The following DKK2 variants were observed in gnomAD, a reference collection of about 807,000 sequenced individuals.
DKK2 encodes dickkopf Wnt signaling pathway inhibitor 2.
DKK2 carries 11 observed loss-of-function variants against 28.1 expected under a neutral mutation model. The observed-to-expected ratio is 0.39, with a 90% confidence interval of 0.25 to 0.65. DKK2 has a LOEUF of 0.65. Ranked by LOEUF, DKK2 falls within the 30% of genes least tolerant of loss-of-function variation. DKK2 has a pLI of 0.47. For missense variants in DKK2, 326 were observed against 335.5 expected (o/e 0.97, Z 0.22); for synonymous variants, 135 against 126.5 (o/e 1.07, Z -0.45).
chr4:106,947,532 C>G lies in DKK2; in HGVS notation c.223-21583G>C, dbSNP rs1724795869. ...ATGAAAAGAGGTAAGAATAGTTACT[C>G]TTGGAGCAGCCTTCCCATAAACTCA... On this transcript the variant is annotated intron_variant, in intron 1 of 3. Transcript: ENST00000285311. 2.0e-5 allele frequency among the ~76,000 whole-genome samples: 3 copies of G among 152,066 alleles called. No homozygotes were observed. In the South Asian group the frequency reaches 6.2e-4, roughly 32 times the overall value.
At chr4:107,026,461 G>A (rs2212966) in intron 1 of DKK2, among the ~76,000 whole-genome samples, 14,964 of 152,182 alleles carry the variant, frequency 0.098, 937 homozygotes, top group East Asian at 0.23. Context: ...TTAAGTCATA[G>A]TTACTTGCAC....
At chr4:107,026,739 C>G (rs1046919883) in intron 1 of DKK2, among the ~76,000 whole-genome samples, 1 of 151,854 alleles carries the variant, frequency 6.6e-6, no homozygotes. Context: ...ATTTTGTTGC[C>G]CGACTCCAGA....
chr4:106,944,637 A>G lies in DKK2; in HGVS notation c.223-18688T>C, dbSNP rs193031006. Among the ~76,000 whole-genome samples, 203 of 152,218 alleles carry G rather than the reference A, an allele frequency of 1.3e-3. 1 individual carries two copies. The highest frequency in any genetic ancestry group is 4.6e-3 in the African/African-American group (193 of 41,558). On this transcript the variant is annotated intron_variant, in intron 1 of 3. Transcript: ENST00000285311. ...CCTGGACAAAGAGGCAAGAAATAAGAACTCTACTTTCTAGGTTAAATTTCC... is the reference window on the plus strand; with the variant it reads ...CCTGGACAAAGAGGCAAGAAATAAGGACTCTACTTTCTAGGTTAAATTTCC...
rs542670198 is a variant in DKK2, at chr4:106,986,184, G to A, written c.222+49186C>T. On this transcript the variant is annotated intron_variant, in intron 1 of 3. Transcript: ENST00000285311. ...ATTCCCTGAAGTTTTGACAGCCACTGTATTTTGACGCTAAATGGCCACTGT... is the reference window on the plus strand; with the variant it reads ...ATTCCCTGAAGTTTTGACAGCCACTATATTTTGACGCTAAATGGCCACTGT... 2.0e-3 allele frequency among the ~76,000 whole-genome samples: 300 copies of A among 152,300 alleles called. 1 individual carries two copies. The highest frequency in any genetic ancestry group is 6.5e-3 in the African/African-American group (269 of 41,566).
intron 1 of DKK2, among the ~76,000 whole-genome samples, chr4:106,956,511 G>A (rs999639388): frequency 6.6e-6 from 1 of 152,134 alleles, no homozygotes; most frequent in Non-Finnish European, 1.5e-5. Context: ...ATACTACAAG[G>A]CTACAGTAAC....
At chr4:106,974,462 T>G (rs1448986291) in intron 1 of DKK2, among the ~76,000 whole-genome samples, 1 of 152,210 alleles carries the variant, frequency 6.6e-6, no homozygotes, top group Non-Finnish European at 1.5e-5. Flanking sequence ...TTCACATCCC[T>G]TGTAAGTTGT....
chr4:107,034,718 G>C (rs1048764352), intron 1 of DKK2, among the ~76,000 whole-genome samples: 1 of 152,146 alleles, frequency 6.6e-6, no homozygotes, highest in Non-Finnish European at 1.5e-5. Context: ...TGTTTTGTCT[G>C]TGACCTTACT....
At chr4:107,021,651 C>T (rs1444665276) in intron 1 of DKK2, among the ~76,000 whole-genome samples, 1 of 152,062 alleles carries the variant, frequency 6.6e-6, no homozygotes, top group Non-Finnish European at 1.5e-5. Flanking sequence ...CATACTTCTA[C>T]TTCCCTGTGA....
At position 107,035,720 on chromosome 4, in the gene DKK2, T is replaced by G; in HGVS notation, c.-129A>C. On this transcript the variant is annotated 5_prime_UTR_variant, in exon 1 of 4. Transcript: ENST00000285311. The stretch of plus-strand genomic sequence containing the variant: ...TTGCAGATTGTGTTCCCTCAACCCT[T>G]CCTGGTTCGGGGACCCAGGACCCTA... 4 of 923,624 alleles carry G rather than the reference T, an allele frequency of 4.3e-6. No homozygotes were observed. Among genetic ancestry groups the G allele is most frequent in the Non-Finnish European group, 4.9e-6 (3 of 611,442 alleles). 57.2% of individuals were successfully genotyped at this position (923,624 alleles called of 1,614,324 possible).
At position 106,978,783 on chromosome 4, in the gene DKK2, G is replaced by A. The variant is rs1722982225; in HGVS notation, c.223-52834C>T. ...TTGCTGGCGTTCCGGGTGCCACTGG[G>A]GTATGATAAAAAAGAAAAAGAAAAC... On this transcript the variant is annotated intron_variant, in intron 1 of 3. Coordinates refer to ENST00000285311, the MANE Select transcript of DKK2 (RefSeq NM_014421.3). 2.0e-5 allele frequency among the ~76,000 whole-genome samples: 3 copies of A among 149,972 alleles called. No homozygotes were observed. The Admixed American group carries it at 2.0e-4, about 10-fold the overall frequency.
intron 1 of DKK2, among the ~76,000 whole-genome samples, chr4:106,946,148 T>C (rs531047420): frequency 5.9e-5 from 9 of 152,174 alleles, no homozygotes; most frequent in Non-Finnish European, 1.2e-4. Flanking sequence ...CTGGTCTTTA[T>C]TACAAATTTT....
chr4:107,030,869 C>G (rs886394491), intron 1 of DKK2, among the ~76,000 whole-genome samples: 1 of 151,866 alleles, frequency 6.6e-6, no homozygotes, highest in Non-Finnish European at 1.5e-5. Context: ...CTTACCTAAT[C>G]TTAAAATTAT....
chr4:107,034,767 C>T (rs543139131), intron 1 of DKK2, among the ~76,000 whole-genome samples: 1 of 152,228 alleles, frequency 6.6e-6, no homozygotes, highest in African/African-American at 2.4e-5. Context: ...GAAGGAGACC[C>T]TGAAAAGGAG....
intron 1 of DKK2, among the ~76,000 whole-genome samples, chr4:107,014,993 T>C (rs1723573908): frequency 6.6e-6 from 1 of 151,592 alleles, no homozygotes; most frequent in Non-Finnish European, 1.5e-5. Flanking sequence ...AACATTTGGG[T>C]TGTTTCTTGT....
intron 1 of DKK2, among the ~76,000 whole-genome samples, chr4:106,971,573 T>G (rs1185152911): frequency 6.6e-6 from 1 of 152,038 alleles, no homozygotes; most frequent in Non-Finnish European, 1.5e-5. Context: ...AAATAATGCC[T>G]TAACTAAACA....
chr4:106,998,114 C>G (rs1373084821), intron 1 of DKK2, among the ~76,000 whole-genome samples: 1 of 152,142 alleles, frequency 6.6e-6, no homozygotes, highest in African/African-American at 2.4e-5. Flanking sequence ...TAGGAGAATG[C>G]TAAACAACTA....
At chr4:106,988,989 A>G (rs1192732793) in intron 1 of DKK2, among the ~76,000 whole-genome samples, 1 of 152,224 alleles carries the variant, frequency 6.6e-6, no homozygotes, top group Non-Finnish European at 1.5e-5. Flanking sequence ...GCTCACCTGA[A>G]TGCAGAATGC....
intron 1 of DKK2, among the ~76,000 whole-genome samples, chr4:106,970,304 A>T (rs920753964): frequency 6.6e-6 from 1 of 152,144 alleles, no homozygotes; most frequent in Admixed American, 6.6e-5. Flanking sequence ...GAATGCACAC[A>T]TAACATCAAA....
intron 1 of DKK2, among the ~76,000 whole-genome samples, chr4:106,958,729 C>T (rs539357386): frequency 2.0e-5 from 3 of 151,042 alleles, no homozygotes; most frequent in African/African-American, 7.3e-5. Flanking sequence ...CTTAGCTACT[C>T]AGGAGGCTGA....
Sources: allele counts gnomAD v4.1 joint callset (sites outside exome capture counted in the v4.1 genomes callset), GRCh38; gene constraint gnomAD v4.1.1; transcripts MANE v1.5; gene names NCBI Gene and HGNC (gene_info 2026-07-23, HGNC 2026-07-21).